The following ROBO1 variants were observed in gnomAD, a reference collection of about 807,000 sequenced individuals.
ROBO1 encodes roundabout guidance receptor 1.
In ROBO1, 149 loss-of-function variants were observed where a neutral mutation model predicts 195.9. That is an observed-to-expected ratio of 0.76 (90% CI 0.67 to 0.87). The LOEUF (loss-of-function observed/expected upper bound fraction) is 0.87, where lower values mean the gene tolerates loss of function less well. Among genes scored for constraint, ROBO1 ranks in the 40% least tolerant of loss-of-function variants. The probability of loss-of-function intolerance (pLI) is 0.00; values close to 1 mark genes in which losing one functional copy is unlikely to be tolerated. For missense variants in ROBO1, 1,933 were observed against 2,068.3 expected (o/e 0.93, Z 1.27); for synonymous variants, 816 against 733.2 (o/e 1.11, Z -1.82).
At chr3:79,414,641 A>T (rs2037922663) in intron 2 of ROBO1, among the ~76,000 whole-genome samples, 2 of 152,168 alleles carry the variant, frequency 1.3e-5, no homozygotes. Flanking sequence ...GCAACACTTT[A>T]GTCTGCTATA....
At chr3:78,773,511 C>G (rs1286189412) in intron 4 of ROBO1, among the ~76,000 whole-genome samples, 1 of 152,028 alleles carries the variant, frequency 6.6e-6, no homozygotes, top group Non-Finnish European at 1.5e-5. Context: ...AAATCCATAC[C>G]ATAAGTCATC....
At chr3:78,910,916 T>A (rs2038206724) in intron 4 of ROBO1, among the ~76,000 whole-genome samples, 1 of 151,980 alleles carries the variant, frequency 6.6e-6, no homozygotes, top group Non-Finnish European at 1.5e-5. Flanking sequence ...AATTAACAGG[T>A]CCCATCCCAC....
Position 78,863,756 on chromosome 3 carries a change from G to A in ROBO1, c.499+74845C>T, listed in dbSNP as rs531877456. Among the ~76,000 whole-genome samples, 66 of 152,258 alleles carry A rather than the reference G, an allele frequency of 4.3e-4. 2 individuals carry two copies. The South Asian group carries it at 0.013, about 30-fold the overall frequency. ...CAAAATATACCCAACAAATGCAGTC[G>A]GCATTGCACTGCAAGCTATTTCTGG... On this transcript the variant is annotated intron_variant, in intron 4 of 30. Coordinates refer to ENST00000464233, the MANE Select transcript of ROBO1 (RefSeq NM_002941.4).
At chr3:79,506,579 G>A (rs1388317448) in intron 2 of ROBO1, among the ~76,000 whole-genome samples, 1 of 151,864 alleles carries the variant, frequency 6.6e-6, no homozygotes, top group East Asian at 1.9e-4. Context: ...TGCATAGCTG[G>A]GACTACAGGC....
At chr3:79,415,697 T>C (rs2106894038) in intron 2 of ROBO1, among the ~76,000 whole-genome samples, 1 of 152,250 alleles carries the variant, frequency 6.6e-6, no homozygotes, top group Middle Eastern at 3.4e-3. Context: ...GAGAATAAGT[T>C]AGAAAGTGTC....
At chr3:79,750,242 C>G (rs1454609101) in intron 1 of ROBO1, among the ~76,000 whole-genome samples, 1 of 152,226 alleles carries the variant, frequency 6.6e-6, no homozygotes, top group Non-Finnish European at 1.5e-5. Context: ...CCATTTGGAA[C>G]AGATATATTT....
intron 1 of ROBO1, among the ~76,000 whole-genome samples, chr3:79,679,576 CTGTT>C (rs1225657646): frequency 1.3e-5 from 2 of 152,016 alleles, no homozygotes; most frequent in East Asian, 1.9e-4. Context: ...TTTTTCTCTT[CTGTT>C]TGTTAATTTA....
At chr3:79,305,317 T>C (rs1351644218) in intron 2 of ROBO1, among the ~76,000 whole-genome samples, 2 of 151,824 alleles carry the variant, frequency 1.3e-5, no homozygotes, top group Admixed American at 1.3e-4. Context: ...TGAAAACCCG[T>C]CTTTACTAAA....
At chr3:79,683,270 CCTCT>C (rs1560097227) in intron 1 of ROBO1, among the ~76,000 whole-genome samples, 1 of 151,986 alleles carries the variant, frequency 6.6e-6, no homozygotes, top group Non-Finnish European at 1.5e-5. Flanking sequence ...TTTCCCTCTT[CCTCT>C]CTCTGTCATG....
At chr3:79,550,398 T>A (rs968380215) in intron 2 of ROBO1, among the ~76,000 whole-genome samples, 45 of 152,170 alleles carry the variant, frequency 3.0e-4, no homozygotes, top group Non-Finnish European at 4.6e-4. Flanking sequence ...TCAAAGCACA[T>A]GGTAAGCCAG....
intron 2 of ROBO1, among the ~76,000 whole-genome samples, chr3:79,524,508 A>G (rs1344550223): frequency 6.6e-6 from 1 of 152,080 alleles, no homozygotes; most frequent in Non-Finnish European, 1.5e-5. Flanking sequence ...AATTTGTTAA[A>G]GGTTAATTCT....
chr3:79,725,687 CT>C (rs984504259), intron 1 of ROBO1, among the ~76,000 whole-genome samples: 2 of 152,066 alleles, frequency 1.3e-5, no homozygotes, highest in African/African-American at 4.8e-5. Context: ...CCAGTTTCTT[CT>C]TTTATGTGGT....
intron 1 of ROBO1, among the ~76,000 whole-genome samples, chr3:79,682,952 C>G (rs543571290): frequency 2.0e-5 from 3 of 146,630 alleles, no homozygotes; most frequent in Non-Finnish European, 3.0e-5. Flanking sequence ...AATTTATGAT[C>G]TCATTCAGAA....
intron 2 of ROBO1, among the ~76,000 whole-genome samples, chr3:79,362,748 G>A (rs2035818456): frequency 6.6e-6 from 1 of 151,838 alleles, no homozygotes; most frequent in Non-Finnish European, 1.5e-5. Context: ...TTCTCTTCAG[G>A]GAAAAAATCT....
chr3:79,361,927 C>CCAA (rs2035783820), intron 2 of ROBO1, among the ~76,000 whole-genome samples: 1 of 151,880 alleles, frequency 6.6e-6, no homozygotes, highest in Non-Finnish European at 1.5e-5. Flanking sequence ...AGCAAGTTTT[C>CCAA]CAAGGTAGTA....
intron 1 of ROBO1, among the ~76,000 whole-genome samples, chr3:79,692,016 C>A (rs1947311323): frequency 6.6e-6 from 1 of 151,640 alleles, no homozygotes; most frequent in African/African-American, 2.4e-5. Flanking sequence ...AGAGGAAGTA[C>A]AAGGTATATT....
intron 2 of ROBO1, among the ~76,000 whole-genome samples, chr3:79,227,404 T>C (rs542590422): frequency 3.9e-5 from 6 of 152,202 alleles, no homozygotes; most frequent in Non-Finnish European, 8.8e-5. Flanking sequence ...ATTGTTTTTC[T>C]ACCTCGGTCT....
intron 3 of ROBO1, among the ~76,000 whole-genome samples, chr3:79,056,070 C>A (rs773525262): frequency 9.2e-5 from 14 of 152,082 alleles, no homozygotes; most frequent in Non-Finnish European, 1.5e-4. Flanking sequence ...ACCCAGCATG[C>A]CTGCCCCTGC....
At chr3:78,605,809 G>A (rs1703429759) in intron 29 of ROBO1, among the ~76,000 whole-genome samples, 1 of 151,710 alleles carries the variant, frequency 6.6e-6, no homozygotes, top group Non-Finnish European at 1.5e-5. Flanking sequence ...GGTCATTCAG[G>A]GCCACCTAGT....
Sources: gnomAD v4.1 joint callset for allele counts (sites outside exome capture counted in the v4.1 genomes callset) on GRCh38, gnomAD v4.1.1 for gene constraint, MANE v1.5 for transcripts, NCBI Gene and HGNC (gene_info 2026-07-23, HGNC 2026-07-21) for gene names.